Variants in RALYL observed in about 807,000 individuals in gnomAD.
RALYL encodes RALY RNA binding protein like.
In RALYL, 29 loss-of-function variants were observed where a neutral mutation model predicts 35.1. The observed-to-expected ratio is 0.83, with a 90% confidence interval of 0.61 to 1.13. The LOEUF is 1.13. RALYL is among the 50% of genes most tolerant of loss of function. The probability of loss-of-function intolerance (pLI) is 0.00; values close to 1 mark genes in which losing one functional copy is unlikely to be tolerated. For synonymous variants in RALYL, 120 were observed against 127.6 expected (o/e 0.94, Z 0.40); for missense variants, 359 against 360.4 (o/e 1.00, Z 0.03).
chr8:84,573,078 T>C (rs1808420784), intron 2 of RALYL, among the ~76,000 whole-genome samples: 1 of 151,552 alleles, frequency 6.6e-6, no homozygotes, highest in Non-Finnish European at 1.5e-5. Flanking sequence ...TATTGTTTTT[T>C]CCTATTTTCA....
At chr8:84,701,970 G>T (rs1054318776) in intron 2 of RALYL, among the ~76,000 whole-genome samples, 2 of 151,694 alleles carry the variant, frequency 1.3e-5, no homozygotes, top group African/African-American at 4.8e-5. Context: ...AGGACACTAT[G>T]TCTCGCCCTC....
chr8:84,898,651 G>A (rs1845157633), intron 8 of RALYL, among the ~76,000 whole-genome samples: 1 of 152,158 alleles, frequency 6.6e-6, no homozygotes, highest in Admixed American at 6.5e-5. Context: ...AAAATTGGCT[G>A]CTATAACTAA....
At chr8:84,581,325 C>T (rs1316888103) in intron 2 of RALYL, among the ~76,000 whole-genome samples, 1 of 152,162 alleles carries the variant, frequency 6.6e-6, no homozygotes, top group African/African-American at 2.4e-5. Context: ...TCTTTCTGAA[C>T]ACTTTGCTTC....
intron 4 of RALYL, among the ~76,000 whole-genome samples, chr8:84,830,020 G>C (rs533234856): frequency 1.2e-4 from 15 of 127,550 alleles, no homozygotes; most frequent in African/African-American, 3.0e-4. Context: ...CTATACTGGG[G>C]GGGGGGGGGC....
chr8:84,917,963 A>G (rs920816104), intron 8 of RALYL, among the ~76,000 whole-genome samples: 1 of 152,060 alleles, frequency 6.6e-6, no homozygotes, highest in Non-Finnish European at 1.5e-5. Flanking sequence ...CATTGTCTAT[A>G]AAAAGTGTGA....
chr8:84,868,377 G>GAGTT (rs1839570789), intron 6 of RALYL, among the ~76,000 whole-genome samples: 1 of 152,038 alleles, frequency 6.6e-6, no homozygotes. Flanking sequence ...ATTTTTTGTG[G>GAGTT]AGTTAGGGAT....
Position 84,614,552 on chromosome 8 carries a change from A to G in RALYL, c.256+84975A>G, listed in dbSNP as rs192570227. Among the ~76,000 whole-genome samples the G allele has an allele frequency of 6.8e-4, 103 of 151,756 alleles. 2 individuals are homozygous for G. Among genetic ancestry groups the G allele is most frequent in the African/African-American group, 2.4e-3 (100 of 41,152 alleles). On this transcript the variant is annotated intron_variant, in intron 2 of 8. Coordinates refer to ENST00000521268, the MANE Select transcript of RALYL (RefSeq NM_173848.7). ...GTTTAACTTACTTGTGGAATATTGTATAGATTCTCAGGTATTTAAGGCTGG... is the reference window on the plus strand; with the variant it reads ...GTTTAACTTACTTGTGGAATATTGTGTAGATTCTCAGGTATTTAAGGCTGG...
intron 1 of RALYL, among the ~76,000 whole-genome samples, chr8:84,325,821 G>C (rs769509568): frequency 6.6e-6 from 1 of 152,178 alleles, no homozygotes; most frequent in Non-Finnish European, 1.5e-5. Flanking sequence ...AACAAGAATA[G>C]TTGTGTCACT....
intron 1 of RALYL, among the ~76,000 whole-genome samples, chr8:84,291,038 CA>C (rs1482331709): frequency 1.3e-5 from 2 of 152,050 alleles, no homozygotes; most frequent in African/African-American, 4.8e-5. Flanking sequence ...CTAAAATAAA[CA>C]CTATTCTATA....
intron 8 of RALYL, among the ~76,000 whole-genome samples, chr8:84,898,624 C>T (rs189654957): frequency 6.6e-6 from 1 of 152,236 alleles, no homozygotes; most frequent in African/African-American, 2.4e-5. Flanking sequence ...CACTGCACAC[C>T]CTCACTCAGA....
At chr8:84,635,871 T>G (rs898745702) in intron 2 of RALYL, among the ~76,000 whole-genome samples, 1 of 151,762 alleles carries the variant, frequency 6.6e-6, no homozygotes, top group African/African-American at 2.4e-5. Context: ...AACCATTAAC[T>G]TCATGCTTTA....
intron 2 of RALYL, among the ~76,000 whole-genome samples, chr8:84,659,519 C>T (rs908632043): frequency 2.6e-5 from 4 of 152,104 alleles, no homozygotes; most frequent in African/African-American, 9.7e-5. Flanking sequence ...CTAAAAGCTG[C>T]TGAGGCCCGC....
intron 1 of RALYL, among the ~76,000 whole-genome samples, chr8:84,514,758 CT>C (rs1383801536): frequency 5.9e-5 from 9 of 152,230 alleles, no homozygotes; most frequent in Non-Finnish European, 8.8e-5. Context: ...ATTATGTGCC[CT>C]TAGCCCGAAT....
chr8:84,567,510 T>C (rs993482537), intron 2 of RALYL, among the ~76,000 whole-genome samples: 1 of 151,774 alleles, frequency 6.6e-6, no homozygotes, highest in African/African-American at 2.4e-5. Flanking sequence ...CATCACCATC[T>C]ATATTGCCAC....
At chr8:84,207,255 A>G (rs1818272285) in intron 1 of RALYL, among the ~76,000 whole-genome samples, 1 of 152,112 alleles carries the variant, frequency 6.6e-6, no homozygotes, top group African/African-American at 2.4e-5. Context: ...AAATATGGAA[A>G]CAACCTAAGT....
intron 1 of RALYL, among the ~76,000 whole-genome samples, chr8:84,354,356 T>C (rs1851451124): frequency 1.3e-5 from 2 of 150,376 alleles, no homozygotes; most frequent in Admixed American, 1.3e-4. Context: ...AAATCAACTC[T>C]AGACAGCTCT....
chr8:84,250,705 A>C (rs1021839825), intron 1 of RALYL, among the ~76,000 whole-genome samples: 2 of 152,202 alleles, frequency 1.3e-5, no homozygotes, highest in African/African-American at 2.4e-5. Flanking sequence ...TTGACGCTGT[A>C]GTCAATGCTG....
At chr8:84,714,362 A>G (rs918725693) in intron 2 of RALYL, among the ~76,000 whole-genome samples, 2 of 151,904 alleles carry the variant, frequency 1.3e-5, no homozygotes, top group Admixed American at 6.6e-5. Flanking sequence ...AGTCATAACA[A>G]TATATCATAT....
intron 1 of RALYL, among the ~76,000 whole-genome samples, chr8:84,436,547 T>G (rs1296498937): frequency 6.7e-4 from 40 of 60,054 alleles, no homozygotes; most frequent in Admixed American, 4.7e-3. Flanking sequence ...ATGGGAGTTT[T>G]TTTTTTTTTT....
Sources: allele counts gnomAD v4.1 joint callset (sites outside exome capture counted in the v4.1 genomes callset), GRCh38; gene constraint gnomAD v4.1.1; transcripts MANE v1.5; gene names NCBI Gene and HGNC (gene_info 2026-07-23, HGNC 2026-07-21).